The following ZC3H12C variants were observed in gnomAD, a reference collection of about 807,000 sequenced individuals.
ZC3H12C encodes the protein zinc finger CCCH-type containing 12C.
ZC3H12C carries 20 observed loss-of-function variants against 76.3 expected under a neutral mutation model. The ratio of observed to expected loss-of-function variants is 0.26; its 90% CI spans 0.18 to 0.38. The LOEUF (loss-of-function observed/expected upper bound fraction) is 0.38, where lower values mean the gene tolerates loss of function less well. Among genes scored for constraint, ZC3H12C ranks in the 10% least tolerant of loss-of-function variants. The probability of loss-of-function intolerance (pLI) is 1.00; values close to 1 mark genes in which losing one functional copy is unlikely to be tolerated. For missense variants in ZC3H12C, 874 were observed against 1,086.5 expected (o/e 0.80, Z 2.75); for synonymous variants, 352 against 399.6 (o/e 0.88, Z 1.42).
chr11:110,103,067 C>T (rs182694602), intron 1 of ZC3H12C, among the ~76,000 whole-genome samples: 81 of 152,290 alleles, frequency 5.3e-4, no homozygotes, highest in African/African-American at 1.8e-3. Flanking sequence ...ATTACATTCA[C>T]TTTATTACAG....
chr11:110,127,886 A>C (rs1249652588), intron 1 of ZC3H12C, among the ~76,000 whole-genome samples: 1 of 100,272 alleles, frequency 1.0e-5, no homozygotes, highest in Non-Finnish European at 2.0e-5. Context: ...ACACAGTGAG[A>C]CTTACTCTCA....
At position 110,170,248 on chromosome 11, in the gene ZC3H12C, T is replaced by C. The variant is rs968338474; in HGVS notation, c.*4511T>C. ...TGTTTTAATATGTATTGAATTTCTT[T>C]CATAAACTTTTCATTTCTGTTGATA... On this transcript the variant is annotated 3_prime_UTR_variant, in exon 6 of 6. Coordinates refer to ENST00000278590, the MANE Select transcript of ZC3H12C (RefSeq NM_033390.2). The C allele has an allele frequency of 3.9e-5, 6 of 152,236 alleles. No homozygotes were observed. The highest frequency in any genetic ancestry group is 8.8e-5 in the Non-Finnish European group (6 of 68,018). 9.4% of individuals were successfully genotyped at this position (152,236 alleles called of 1,614,324 possible).
intron 4 of ZC3H12C, 40 bp from the exon 5 acceptor site, chr11:110,163,233 C>A: frequency 6.6e-7 from 1 of 1,505,034 alleles, no homozygotes; most frequent in African/African-American, 1.4e-5. Context: ...AATTATCAGC[C>A]TCCTACTTAG....
At chr11:110,143,625 A>G (rs1032369554) in intron 2 of ZC3H12C, among the ~76,000 whole-genome samples, 3 of 152,134 alleles carry the variant, frequency 2.0e-5, no homozygotes, top group African/African-American at 7.2e-5. Context: ...AGATTCAAGT[A>G]TGATTTTCTA....
At chr11:110,099,392 T>C (rs1281761296) in intron 1 of ZC3H12C, among the ~76,000 whole-genome samples, 2 of 152,190 alleles carry the variant, frequency 1.3e-5, no homozygotes, top group African/African-American at 2.4e-5. Context: ...ACTTTGAAAG[T>C]GCTTGATTTC....
rs1439111798 is a variant in ZC3H12C at position 110,169,561 on chromosome 11, G to C, written c.*3824G>C. Reference sequence around the variant, plus strand: ...CCATTTTATTGTCATCTAACTCCTGGAGAATTCCCACGTGACCTGAAATCA... The same window carrying C: ...CCATTTTATTGTCATCTAACTCCTGCAGAATTCCCACGTGACCTGAAATCA... On this transcript the variant is annotated 3_prime_UTR_variant, in exon 6 of 6. Transcript: ENST00000278590. 6.6e-6 allele frequency: 1 copy of C among 152,108 alleles called. No homozygotes were observed. The highest frequency in any genetic ancestry group is 1.5e-5 in the Non-Finnish European group (1 of 68,010). The allele number at this position is 152,108 out of a possible 1,614,324, so 9.4% of individuals were successfully genotyped here.
At chr11:110,148,574 G>A (rs1862211427) in intron 2 of ZC3H12C, among the ~76,000 whole-genome samples, 1 of 152,132 alleles carries the variant, frequency 6.6e-6, no homozygotes, top group Non-Finnish European at 1.5e-5. Flanking sequence ...CTAATCACGG[G>A]TGACCACAAA....
chr11:110,107,953 A>G (rs1177487234), intron 1 of ZC3H12C, among the ~76,000 whole-genome samples: 1 of 151,996 alleles, frequency 6.6e-6, no homozygotes, highest in Non-Finnish European at 1.5e-5. Flanking sequence ...GTGAGCCACC[A>G]TACCCAGCCT....
chr11:110,159,610 T>G (rs1030950604), intron 4 of ZC3H12C, 120 bp downstream of exon 4: 19 of 850,368 alleles, frequency 2.2e-5, no homozygotes, highest in Non-Finnish European at 3.5e-5. Context: ...TTCTAACAAC[T>G]GATCTCCCCA....
intron 1 of ZC3H12C, among the ~76,000 whole-genome samples, chr11:110,101,673 G>C (rs562199133): frequency 2.6e-5 from 4 of 151,524 alleles, no homozygotes; most frequent in Non-Finnish European, 1.5e-5. Context: ...TCAGCCTCCC[G>C]AGCAGCTGGG....
At chr11:110,121,790 C>T (rs1861655094) in intron 1 of ZC3H12C, among the ~76,000 whole-genome samples, 2 of 152,130 alleles carry the variant, frequency 1.3e-5, no homozygotes, top group African/African-American at 4.8e-5. Context: ...ATGTTGAGAG[C>T]AAACCTAAAA....
At chr11:110,162,695 G>C (rs1411889019) in intron 4 of ZC3H12C, among the ~76,000 whole-genome samples, 1 of 152,172 alleles carries the variant, frequency 6.6e-6, no homozygotes, top group African/African-American at 2.4e-5. Context: ...ACTATGCCAT[G>C]CAACATTGGA....
chr11:110,161,850 G>A (rs768323093), intron 4 of ZC3H12C, among the ~76,000 whole-genome samples: 6 of 152,210 alleles, frequency 3.9e-5, no homozygotes, highest in Admixed American at 6.5e-5. Context: ...AAAGAATTAT[G>A]CCAGGTGTGG....
intron 1 of ZC3H12C, among the ~76,000 whole-genome samples, chr11:110,097,680 C>G (rs994061277): frequency 6.6e-6 from 1 of 152,140 alleles, no homozygotes; most frequent in African/African-American, 2.4e-5. Flanking sequence ...TTAATAATAG[C>G]AGAATGAGGG....
chr11:110,157,430 C>CT lies in ZC3H12C; in HGVS notation c.914-1804dup, dbSNP rs1238127792. On this transcript the variant is annotated intron_variant, in intron 3 of 5. Transcript: ENST00000278590. Reference sequence around the variant, plus strand: ...TCTTCCACTCATAGAAAGGTCTGGTCTTTTTTTTTTTTTTTTTTTTTTAAG... The same window carrying CT: ...TCTTCCACTCATAGAAAGGTCTGGTCTTTTTTTTTTTTTTTTTTTTTTTAAG... Among the ~76,000 whole-genome samples, 1,060 of 114,018 alleles carry CT rather than the reference C, an allele frequency of 9.3e-3. 16 individuals are homozygous for CT. The highest frequency in any genetic ancestry group is 0.024 in the African/African-American group (751 of 31,162). 74.8% of individuals were successfully genotyped at this position (114,018 alleles called of 152,430 possible).
chr11:110,126,216 C>CTTTTTTTTTTTTTTTTTTTTTTTTTTTTT, intron 1 of ZC3H12C, among the ~76,000 whole-genome samples: 1 of 86,262 alleles, frequency 1.2e-5, no homozygotes, highest in Non-Finnish European at 2.4e-5. Context: ...TTGTTTTCTT[C>CTTTTTTTTTTTTTTTTTTTTTTTTTTTTT]TTTTTTTTTT....
At chr11:110,096,310 A>G (rs7106425) in intron 1 of ZC3H12C, among the ~76,000 whole-genome samples, 5,091 of 152,288 alleles carry the variant, frequency 0.033, 167 homozygotes, top group East Asian at 0.086. Flanking sequence ...AATTTTTGGC[A>G]TCTGATAGTA....
Position 110,164,384 on chromosome 11 carries a change from C to G in ZC3H12C, c.1299C>G (p.Pro433=). 6.2e-7 allele frequency: 1 copy of G among 1,613,522 alleles called. No individual in the cohort carries two copies. The highest frequency in any genetic ancestry group is 2.2e-5 in the East Asian group (1 of 44,872). Residue 433 remains proline (P), a synonymous_variant, in exon 6 of 6, where the codon CCC becomes CCG. Transcript: ENST00000278590. The surrounding 1 kb of genome is among the most constrained non-coding windows in gnomAD (Gnocchi z 5.7). ...GACACAAGTGCAAATATTACCATCC[C>G]GAAAGGGGCAGTCAGCCACAGCGGT... ...TYGHKCKYYH[P]ERGSQPQRSV...
intron 1 of ZC3H12C, among the ~76,000 whole-genome samples, chr11:110,103,691 C>T (rs1483651508): frequency 3.3e-5 from 5 of 150,896 alleles, no homozygotes; most frequent in African/African-American, 4.9e-5. Flanking sequence ...CTGCAAGCTC[C>T]GCCTCTCGGG....
Sources: allele counts gnomAD v4.1 joint callset (sites outside exome capture counted in the v4.1 genomes callset), GRCh38; gene constraint gnomAD v4.1.1; non-coding constraint Gnocchi (gnomAD v3.1); transcripts MANE v1.5; gene names NCBI Gene and HGNC (gene_info 2026-07-23, HGNC 2026-07-21).